PTPRG: variants seen among roughly 807,000 people sequenced by gnomAD.
The protein encoded by PTPRG is protein tyrosine phosphatase receptor type G, also known as receptor-type tyrosine-protein phosphatase gamma.
Under a neutral mutation model 165.3 loss-of-function variants are expected in PTPRG, and 102 were observed. That is an observed-to-expected ratio of 0.62 (90% confidence interval 0.53 to 0.73). PTPRG has a LOEUF of 0.73. Ranked by LOEUF, PTPRG falls within the 30% of genes least tolerant of loss-of-function variation. PTPRG has a pLI of 0.00. For missense variants in PTPRG, 1,866 were observed against 1,861.4 expected, an observed-to-expected ratio of 1.00 and a Z score of -0.05; for synonymous variants, 675 against 669.5, an observed-to-expected ratio of 1.01 and a Z score of -0.13.
In PTPRG at chr3:62,087,034, T is replaced by TA. The variant is rs553963880; in HGVS notation, c.615+8777dup. On this transcript the variant is annotated intron_variant, in intron 5 of 29. Transcript: ENST00000474889. The stretch of plus-strand genomic sequence containing the variant: ...TTAAATCATTGCACTTCAAGGACGT[T>TA]ACCAAGTACTTTGCTTTTGTACATC... Among the ~76,000 whole-genome samples the TA allele has an allele frequency of 3.2e-3, 489 of 152,364 alleles. 3 individuals are homozygous for TA. Among genetic ancestry groups the TA allele is most frequent in the Middle Eastern group, 0.01 (3 of 294 alleles).
chr3:62,132,763 A>G, intron 6 of PTPRG, 95 bp downstream of exon 6: 1 of 1,119,722 alleles, frequency 8.9e-7, no homozygotes, highest in Non-Finnish European at 1.4e-6. Context: ...ACAGAGGGTG[A>G]CACCTATTCC....
At chr3:62,123,880 A>C (rs879816875) in intron 5 of PTPRG, among the ~76,000 whole-genome samples, 5 of 152,150 alleles carry the variant, frequency 3.3e-5, no homozygotes, top group Non-Finnish European at 5.9e-5. Flanking sequence ...AAAAAAGGCA[A>C]AGTCTGCTTA....
chr3:61,894,028 T>C (rs2038284385), intron 2 of PTPRG, among the ~76,000 whole-genome samples: 1 of 151,908 alleles, frequency 6.6e-6, no homozygotes. Flanking sequence ...TACAGGCTAA[T>C]TAGAAATGGT....
rs555247041 is a variant in PTPRG at position 61,681,846 on chromosome 3, G to GA, written c.86-67031dup. Among the ~76,000 whole-genome samples, 117 of 152,186 alleles carry GA rather than the reference G, an allele frequency of 7.7e-4. No homozygotes were observed. In the East Asian group the frequency reaches 9.1e-3, roughly 12 times the overall value. ...AAAAAGATGTTGGCTTCATTTTCTTGATGACTGAAAAGTAAACTAGTGGCC... is the reference window on the plus strand; with the variant it reads ...AAAAAGATGTTGGCTTCATTTTCTTGAATGACTGAAAAGTAAACTAGTGGCC... On this transcript the variant is annotated intron_variant, in intron 1 of 29. Transcript: ENST00000474889.
chr3:61,894,451 A>G (rs555502022), intron 2 of PTPRG, among the ~76,000 whole-genome samples: 3 of 152,192 alleles, frequency 2.0e-5, no homozygotes, highest in East Asian at 3.9e-4. Flanking sequence ...AAAAGACTGG[A>G]GTAAAAATTG....
At chr3:61,685,820 GTC>G (rs898161827) in intron 1 of PTPRG, among the ~76,000 whole-genome samples, 9 of 152,206 alleles carry the variant, frequency 5.9e-5, no homozygotes, top group Admixed American at 4.6e-4. Flanking sequence ...TATCCTGTTA[GTC>G]TCTGCCCCTA....
rs1227504896 is a variant in PTPRG at position 62,222,815 on chromosome 3, TG to T, written c.2288+3835del. 1.3e-5 allele frequency among the ~76,000 whole-genome samples: 2 copies of T among 152,210 alleles called. No homozygotes were observed. Among genetic ancestry groups the T allele is most frequent in the Non-Finnish European group, 2.9e-5 (2 of 68,040 alleles). ...ACAGAGTTCCTGCCATGCATCCTGG[TG>T]GGCCTAGAGATTTAGAGATCAGGTC... On this transcript the variant is annotated intron_variant, in intron 13 of 29. Coordinates refer to ENST00000474889, the MANE Select transcript of PTPRG (RefSeq NM_002841.4). The surrounding 1 kb of genome is among the most constrained non-coding windows in gnomAD (Gnocchi z 4.5).
intron 3 of PTPRG, among the ~76,000 whole-genome samples, chr3:61,991,204 A>G (rs1386694203): frequency 6.6e-6 from 1 of 152,120 alleles, no homozygotes; most frequent in Non-Finnish European, 1.5e-5. Context: ...TGTTATTTGT[A>G]CGTAATTTTT....
chr3:62,017,221 A>C (rs1479099762), intron 4 of PTPRG, among the ~76,000 whole-genome samples: 1 of 152,182 alleles, frequency 6.6e-6, no homozygotes, highest in Non-Finnish European at 1.5e-5. Context: ...TTAAAGGGTA[A>C]GAAACTCTAA....
At chr3:62,077,725 C>T (rs1008838852) in intron 4 of PTPRG, among the ~76,000 whole-genome samples, 7 of 151,806 alleles carry the variant, frequency 4.6e-5, no homozygotes, top group South Asian at 2.1e-4. Context: ...AGCAAAGGGC[C>T]GGGTGTGGTG....
At chr3:61,757,833 A>G (rs769268665) in intron 2 of PTPRG, among the ~76,000 whole-genome samples, 1 of 152,170 alleles carries the variant, frequency 6.6e-6, no homozygotes, top group African/African-American at 2.4e-5. Context: ...TCTTCTTTGA[A>G]ACTACCTTCT....
chr3:61,890,423 G>GTTTTTTTTTTTTTTTTTTT (rs11328993), intron 2 of PTPRG, among the ~76,000 whole-genome samples: 2 of 119,236 alleles, frequency 1.7e-5, no homozygotes, highest in African/African-American at 3.3e-5. Context: ...TTTTTTTTTT[G>GTTTTTTTTTTTTTTTTTTT]TTTTTTTTTT....
In PTPRG at chr3:62,294,953, GACC is replaced by G. The variant is rs1300910573; in HGVS notation, c.*1648_*1650del. On this transcript the variant is annotated 3_prime_UTR_variant, in exon 30 of 30. Transcript: ENST00000474889. ...AAAGTTTGTCAGAATGGTGCTGGAG[GACC>G]AGAAGTGCTAAGGAGAAAGAAGCTA... is the stretch of plus-strand genomic sequence containing the variant. The G allele has an allele frequency of 2.0e-5, 3 of 152,090 alleles. No homozygotes were observed. Among genetic ancestry groups the G allele is most frequent in the Non-Finnish European group, 4.4e-5 (3 of 68,016 alleles). The allele number at this position is 152,090 out of a possible 1,614,324, so 9.4% of individuals were successfully genotyped here. A position where few individuals can be genotyped will look rare whatever the true frequency, so the allele number is the denominator to read the frequency against.
In PTPRG at chr3:61,562,164, G is replaced by C. The variant is rs1412330838; in HGVS notation, c.-124G>C. ...CAAGGGGACTCGGGCCGCCGAGCGCGGGGGGCCCGTGGAGCGGGCGAGCCG... is the reference window on the plus strand; with the variant it reads ...CAAGGGGACTCGGGCCGCCGAGCGCCGGGGGCCCGTGGAGCGGGCGAGCCG... On this transcript the variant is annotated 5_prime_UTR_variant, in exon 1 of 30. Transcript: ENST00000474889. 6 of 773,518 alleles carry C rather than the reference G, an allele frequency of 7.8e-6. No homozygotes were observed. The highest frequency in any genetic ancestry group is 1.7e-5 in the African/African-American group (1 of 57,218). 47.9% of individuals were successfully genotyped at this position (773,518 alleles called of 1,614,324 possible).
intron 1 of PTPRG, among the ~76,000 whole-genome samples, chr3:61,684,231 G>A (rs1035539632): frequency 5.1e-4 from 77 of 152,280 alleles, no homozygotes; most frequent in African/African-American, 1.7e-3. Context: ...TGTATATGCT[G>A]GTGGTGATGG....
intron 2 of PTPRG, among the ~76,000 whole-genome samples, chr3:61,961,850 T>C (rs1156240055): frequency 6.6e-6 from 1 of 152,106 alleles, no homozygotes; most frequent in Non-Finnish European, 1.5e-5. Context: ...AACTCTGGGG[T>C]GTGTGCCACT....
At position 61,875,635 on chromosome 3, in the gene PTPRG, A is replaced by C. The variant is rs1287038653; in HGVS notation, c.191-113990A>C. On this transcript the variant is annotated intron_variant, in intron 2 of 29. Transcript: ENST00000474889. ...AGTCATGCCTCAGCTATACACACAC[A>C]TGCACATGCGCACACACACACGGCA... 2.6e-5 allele frequency among the ~76,000 whole-genome samples: 4 copies of C among 152,104 alleles called. No homozygotes were observed. The South Asian group carries it at 6.2e-4, about 24-fold the overall frequency.
chr3:62,095,290 A>G (rs1702073621), intron 5 of PTPRG, among the ~76,000 whole-genome samples: 1 of 152,202 alleles, frequency 6.6e-6, no homozygotes, highest in African/African-American at 2.4e-5. Context: ...TGTGACCTTC[A>G]GTGAGGCAAA....
At chr3:61,872,771 G>A (rs533968796) in intron 2 of PTPRG, among the ~76,000 whole-genome samples, 1 of 152,266 alleles carries the variant, frequency 6.6e-6, no homozygotes, top group African/African-American at 2.4e-5. Context: ...TTTTTGAAAG[G>A]TAAGCAATCT....
Sources: gnomAD v4.1 joint callset for allele counts (sites outside exome capture counted in the v4.1 genomes callset) on GRCh38, gnomAD v4.1.1 for gene constraint, Gnocchi (gnomAD v3.1) non-coding constraint, MANE v1.5 for transcripts, NCBI Gene and HGNC (gene_info 2026-07-23, HGNC 2026-07-21) for gene names.